SMYD2: variants seen among roughly 807,000 people sequenced by gnomAD.
SMYD2 encodes the protein SET and MYND domain containing 2, also known as N-lysine methyltransferase SMYD2.
In SMYD2, 53 loss-of-function variants were observed where a neutral mutation model predicts 59.1. That is an observed-to-expected ratio of 0.90 (90% CI 0.72 to 1.13). SMYD2 has a LOEUF of 1.13. SMYD2 is among the 50% of genes most tolerant of loss of function. The pLI is 0.00. For synonymous variants in SMYD2, 208 were observed against 198.8 expected (o/e 1.05, Z -0.39); for missense variants, 494 against 544.7 (o/e 0.91, Z 0.93).
chr1:214,287,586 CAAAAAAAAA>C (rs36187427), intron 1 of SMYD2, among the ~76,000 whole-genome samples: 1 of 75,536 alleles, frequency 1.3e-5, no homozygotes, highest in Non-Finnish European at 2.4e-5. Context: ...GACTATGTCT[CAAAAAAAAA>C]AAAAAAAAAA....
chr1:214,332,223 G>A (rs775365591), intron 10 of SMYD2, 31 bp downstream of exon 10: 11 of 1,608,720 alleles, frequency 6.8e-6, no homozygotes, highest in African/African-American at 2.7e-5. Flanking sequence ...AATCATCCAC[G>A]GAGTGGAATT....
At chr1:214,309,747 C>G (rs1227396569) in intron 2 of SMYD2, among the ~76,000 whole-genome samples, 1 of 152,108 alleles carries the variant, frequency 6.6e-6, no homozygotes, top group Non-Finnish European at 1.5e-5. Flanking sequence ...TAAATTTGGG[C>G]CACTCTTTTT....
At chr1:214,333,341 C>A (rs1657386482) in intron 10 of SMYD2, 1 of 152,254 alleles carries the variant, frequency 6.6e-6, no homozygotes, top group Admixed American at 6.5e-5. Flanking sequence ...CCATCTTTAT[C>A]TGCGTGAGCC....
rs1656968449 is a variant in SMYD2, at chr1:214,309,691, G to A, written c.237+4441G>A. 3.9e-5 allele frequency among the ~76,000 whole-genome samples: 6 copies of A among 152,152 alleles called. No individual in the cohort carries two copies. In the South Asian group the frequency reaches 1.2e-3, roughly 32 times the overall value. On this transcript the variant is annotated intron_variant, in intron 2 of 11. Coordinates refer to ENST00000366957, the MANE Select transcript of SMYD2 (RefSeq NM_020197.3). ...TAGTGTAATGGGGCCAGAGTCGTAG[G>A]TTCAATCCTGGTTCAGTTCACTCCT...
At position 214,316,725 on chromosome 1, in the gene SMYD2, C is replaced by T. The variant is rs148795650; in HGVS notation, c.349-1354C>T. On this transcript the variant is annotated intron_variant, in intron 3 of 11. Transcript: ENST00000366957. ...TGTTCAGCTTGGGTCAGGTGCTTGC[C>T]GAAATGCTACCTCGCCAGCCAGCCG... is the stretch of plus-strand genomic sequence containing the variant. 2.1e-3 allele frequency among the ~76,000 whole-genome samples: 319 copies of T among 152,156 alleles called. 1 individual carries two copies. The highest frequency in any genetic ancestry group is 6.8e-3 in the Middle Eastern group (2 of 294).
At chr1:214,295,100 G>A (rs1044337941) in intron 1 of SMYD2, among the ~76,000 whole-genome samples, 3 of 152,164 alleles carry the variant, frequency 2.0e-5, no homozygotes, top group Non-Finnish European at 4.4e-5. Flanking sequence ...AAAGGCATTC[G>A]TTGTTTCTTT....
intron 1 of SMYD2, among the ~76,000 whole-genome samples, chr1:214,295,397 A>AT (rs59706455): frequency 0.47 from 71,635 of 151,658 alleles, 17,182 homozygotes; most frequent in African/African-American, 0.54. Flanking sequence ...AGCTTCATGA[A>AT]TTTTTTTTGC....
chr1:214,323,820 C>T (rs1007622571), intron 5 of SMYD2, among the ~76,000 whole-genome samples: 2 of 152,210 alleles, frequency 1.3e-5, no homozygotes, highest in Non-Finnish European at 2.9e-5. Flanking sequence ...AGTGCCTTAG[C>T]TTTAAGCCCT....
At position 214,336,979 on chromosome 1, in the gene SMYD2, T is replaced by C; in HGVS notation, c.*195T>C. The C allele has an allele frequency of 2.0e-6, 1 of 504,922 alleles. No individual in the cohort carries two copies. Among genetic ancestry groups the C allele is most frequent in the Non-Finnish European group, 3.4e-6 (1 of 290,312 alleles). The allele number at this position is 504,922 out of a possible 1,614,324, so 31.3% of individuals were successfully genotyped here. A position where few individuals can be genotyped will look rare whatever the true frequency, so the allele number is the denominator to read the frequency against. ...TTGAACTTTAATACCAAATTAATTT[T>C]GAATGCTTTTGTTTCCTAAGAGATA... On this transcript the variant is annotated 3_prime_UTR_variant, in exon 12 of 12. Transcript: ENST00000366957.
At chr1:214,333,206 A>T (rs571220139) in intron 10 of SMYD2, 1 of 152,350 alleles carries the variant, frequency 6.6e-6, no homozygotes, top group South Asian at 2.1e-4. Flanking sequence ...CTTTTCTCCT[A>T]GAGTGTGTGA....
At chr1:214,321,968 A>G (rs1342349238) in intron 5 of SMYD2, among the ~76,000 whole-genome samples, 4 of 152,196 alleles carry the variant, frequency 2.6e-5, no homozygotes, top group Non-Finnish European at 5.9e-5. Context: ...AAGAAACACA[A>G]GCAGTCTTCC....
At chr1:214,303,793 A>ACGCCCC (rs1379491215) in intron 1 of SMYD2, among the ~76,000 whole-genome samples, 83 of 152,326 alleles carry the variant, frequency 5.4e-4, no homozygotes, top group Non-Finnish European at 6.9e-4. Context: ...CCCACCGCGC[A>ACGCCCC]CGCCCCCGCC....
At chr1:214,285,093 C>T (rs767326672) in intron 1 of SMYD2, among the ~76,000 whole-genome samples, 23 of 152,140 alleles carry the variant, frequency 1.5e-4, no homozygotes, top group Non-Finnish European at 2.4e-4. Flanking sequence ...CAGTGAATTT[C>T]GGTCATGTCT....
intron 2 of SMYD2, among the ~76,000 whole-genome samples, chr1:214,311,723 A>G (rs996524864): frequency 6.6e-5 from 10 of 152,116 alleles, no homozygotes; most frequent in Admixed American, 1.3e-4. Context: ...GATATTTTAT[A>G]AATAATAATT....
At chr1:214,294,882 A>G (rs1656697517) in intron 1 of SMYD2, among the ~76,000 whole-genome samples, 1 of 152,166 alleles carries the variant, frequency 6.6e-6, no homozygotes, top group Non-Finnish European at 1.5e-5. Flanking sequence ...GGAGTATTTT[A>G]AGTTTTCAAG....
chr1:214,289,231 G>A (rs1656598597), intron 1 of SMYD2, among the ~76,000 whole-genome samples: 1 of 152,162 alleles, frequency 6.6e-6, no homozygotes, highest in Non-Finnish European at 1.5e-5. Context: ...TCTCTTTTAG[G>A]ATTTGATATA....
intron 6 of SMYD2, among the ~76,000 whole-genome samples, chr1:214,325,204 T>A (rs1444896388): frequency 6.6e-6 from 1 of 152,234 alleles, no homozygotes; most frequent in Non-Finnish European, 1.5e-5. Context: ...GATAAAAATT[T>A]CAAAGAACTG....
chr1:214,303,895 C>A (rs546137606), intron 1 of SMYD2, among the ~76,000 whole-genome samples: 3 of 152,244 alleles, frequency 2.0e-5, no homozygotes, highest in Non-Finnish European at 4.4e-5. Context: ...GTCGGTATCT[C>A]CACAAGTCCA....
At chr1:214,311,046 G>T (rs1353585256) in intron 2 of SMYD2, among the ~76,000 whole-genome samples, 2 of 152,128 alleles carry the variant, frequency 1.3e-5, no homozygotes, top group Non-Finnish European at 2.9e-5. Context: ...ACCTGATTCT[G>T]CATTTTCTTG....
Sources: gnomAD v4.1 joint callset for allele counts (sites outside exome capture counted in the v4.1 genomes callset) on GRCh38, gnomAD v4.1.1 for gene constraint, MANE v1.5 for transcripts, NCBI Gene and HGNC (gene_info 2026-07-23, HGNC 2026-07-21) for gene names.